The following UHRF1 variants were observed in gnomAD, a reference collection of about 807,000 sequenced individuals.
UHRF1 encodes ubiquitin like with PHD and ring finger domains 1, also known as E3 ubiquitin-protein ligase UHRF1.
UHRF1 carries 9 observed loss-of-function variants against 96.5 expected under a neutral mutation model. That is an observed-to-expected ratio of 0.09 (90% CI 0.06 to 0.16). The LOEUF (loss-of-function observed/expected upper bound fraction) is 0.16, where lower values mean the gene tolerates loss of function less well. Ranked by LOEUF, UHRF1 falls within the 10% of genes least tolerant of loss-of-function variation. The pLI, the probability that UHRF1 is intolerant of heterozygous loss-of-function variation, is 1.00. For missense variants in UHRF1, 626 were observed against 1,131.1 expected (o/e 0.55, Z 6.40); for synonymous variants, 455 against 469.9 (o/e 0.97, Z 0.41).
intron 2 of UHRF1, among the ~76,000 whole-genome samples, chr19:4,919,024 ATTTTTTTTT>A (rs144245403): frequency 8.4e-6 from 1 of 119,392 alleles, no homozygotes; most frequent in South Asian, 2.6e-4. Context: ...TCCTGACCTC[ATTTTTTTTT>A]TTTTTTTTTT....
upstream of UHRF1, among the ~76,000 whole-genome samples, chr19:4,907,391 C>T (rs1382824815): frequency 6.6e-6 from 1 of 152,132 alleles, no homozygotes; most frequent in African/African-American, 2.4e-5. Context: ...GCCTCAGCTT[C>T]CCGAGTAGCT....
upstream of UHRF1, among the ~76,000 whole-genome samples, chr19:4,908,245 T>C (rs1285694455): frequency 2.6e-5 from 4 of 151,886 alleles, no homozygotes; most frequent in Non-Finnish European, 4.4e-5. Context: ...GACGTGGGGG[T>C]CTAGAGACGC....
intron 5 of UHRF1, among the ~76,000 whole-genome samples, chr19:4,936,906 C>T (rs1245692489): frequency 6.6e-6 from 1 of 151,984 alleles, no homozygotes; most frequent in Non-Finnish European, 1.5e-5. Flanking sequence ...ACTGTGTTAT[C>T]ACAACTGGAA....
At chr19:4,946,319 T>A (rs2033563984) in intron 10 of UHRF1, among the ~76,000 whole-genome samples, 1 of 152,108 alleles carries the variant, frequency 6.6e-6, no homozygotes, top group African/African-American at 2.4e-5. Context: ...GAGCCCGACG[T>A]CCTTGCTTTG....
intron 16 of UHRF1, among the ~76,000 whole-genome samples, chr19:4,958,784 C>A (rs1466268483): frequency 6.6e-6 from 1 of 151,900 alleles, no homozygotes; most frequent in Non-Finnish European, 1.5e-5. Flanking sequence ...CCAGCCCGGG[C>A]AACATGGTGA....
At chr19:4,960,579 C>T (rs1354366850) in intron 16 of UHRF1, 78 bp from the exon 17 acceptor site, 2 of 1,559,858 alleles carry the variant, frequency 1.3e-6, no homozygotes, top group Non-Finnish European at 1.7e-6. Flanking sequence ...AGACTGTCCC[C>T]ACAGTCCTGG....
Position 4,954,622 on chromosome 19 carries a change from C to T in UHRF1, c.1958-28C>T. 1.2e-6 allele frequency: 2 copies of T among 1,608,288 alleles called. No individual in the cohort carries two copies. Among genetic ancestry groups the T allele is most frequent in the South Asian group, 2.2e-5 (2 of 90,656 alleles). ...CTCCGGCAGCTCGGGCCACGCGCCC[C>T]TCCCTCACGCGCCCCACCCTCTTCC... is the stretch of plus-strand genomic sequence containing the variant. On this transcript the variant is annotated intron_variant, in intron 14 of 16. Coordinates refer to ENST00000650932, the MANE Select transcript of UHRF1 (RefSeq NM_001048201.3). The surrounding 1 kb of genome is among the most constrained non-coding windows in gnomAD (Gnocchi z 5.9).
At chr19:4,909,252 G>T (rs969368615), upstream of UHRF1, 3 of 518,104 alleles carry the variant, frequency 5.8e-6, no homozygotes, top group East Asian at 1.1e-4. Context: ...GGGTGTCCAC[G>T]TGCGGGGGGT....
intron 11 of UHRF1, among the ~76,000 whole-genome samples, chr19:4,948,128 A>G (rs1230634434): frequency 2.0e-5 from 3 of 149,646 alleles, no homozygotes; most frequent in Non-Finnish European, 4.4e-5. Context: ...AAACCCCTCC[A>G]AAATAGATTG....
At chr19:4,932,985 T>A (rs1425703350) in intron 5 of UHRF1, 29 bp downstream of exon 5, 1 of 1,565,456 alleles carries the variant, frequency 6.4e-7, no homozygotes, top group Non-Finnish European at 8.7e-7. Flanking sequence ...GGCGAGCCCT[T>A]CCTCTCTCCT....
Position 4,954,693 on chromosome 19 carries a change from G to C in UHRF1, c.2001G>C (p.Lys667Asn). The change falls in exon 15 of 17, where the codon AAG becomes AAC. Residue 667 changes from lysine (K) to asparagine (N), a missense_variant. Around this residue, in one of 11 missense-constraint regions of UHRF1, gnomAD observed 90 missense variants for 94.7 expected, o/e 0.95. Transcript: ENST00000650932. This position sits in a 1 kb window ranked among gnomAD's most constrained non-coding sequence, Gnocchi z 5.9. ...SRAGSPRRTS[K>N]KTKVEPYSLT... ...CCGGGTCCCCGCGCCGGACATCCAA[G>C]AAAACCAAGGTGGAGCCCTACAGTC... 1 of 1,613,598 alleles carries C rather than the reference G, an allele frequency of 6.2e-7. No homozygotes were observed. Among genetic ancestry groups the C allele is most frequent in the African/African-American group, 1.3e-5 (1 of 75,024 alleles).
chr19:4,926,424 G>T (rs889454783), intron 2 of UHRF1, among the ~76,000 whole-genome samples: 1 of 152,238 alleles, frequency 6.6e-6, no homozygotes, highest in Non-Finnish European at 1.5e-5. Context: ...GGAGAACAGA[G>T]GGGCTGAAGC....
At chr19:4,909,296 T>A, upstream of UHRF1, 1 of 541,220 alleles carries the variant, frequency 1.8e-6, no homozygotes, top group South Asian at 2.3e-5. Context: ...CTTTGCACGC[T>A]GGGCGCGCCC....
At chr19:4,907,923 G>C (rs969057197), upstream of UHRF1, among the ~76,000 whole-genome samples, 2 of 150,496 alleles carry the variant, frequency 1.3e-5, no homozygotes, top group Non-Finnish European at 3.0e-5. Context: ...TGTTAGTCAG[G>C]CTGGTCTCGA....
chr19:4,955,662 C>CTA (rs1054001106), intron 15 of UHRF1, among the ~76,000 whole-genome samples: 11 of 152,134 alleles, frequency 7.2e-5, no homozygotes, highest in Non-Finnish European at 1.2e-4. Context: ...GGGGCAGCCC[C>CTA]TTGCCCCTAG....
chr19:4,927,266 A>T (rs2032901432), intron 2 of UHRF1, among the ~76,000 whole-genome samples: 1 of 150,712 alleles, frequency 6.6e-6, no homozygotes, highest in Non-Finnish European at 1.5e-5. Context: ...TATAGTCCCA[A>T]GCTACTCAGG....
At chr19:4,958,536 C>T (rs912022010) in intron 16 of UHRF1, among the ~76,000 whole-genome samples, 4 of 152,230 alleles carry the variant, frequency 2.6e-5, no homozygotes, top group Admixed American at 6.5e-5. Flanking sequence ...GGCGCGGAAG[C>T]GCTGAGGATG....
chr19:4,944,508 G>T (rs972672396), intron 9 of UHRF1, 58 bp downstream of exon 9: 9 of 1,593,304 alleles, frequency 5.6e-6, no homozygotes, highest in Non-Finnish European at 6.0e-6. Flanking sequence ...CTTTTCTGGG[G>T]GCAGTTTCTC....
At chr19:4,921,739 A>C (rs2032711463) in intron 2 of UHRF1, among the ~76,000 whole-genome samples, 1 of 152,216 alleles carries the variant, frequency 6.6e-6, no homozygotes, top group Non-Finnish European at 1.5e-5. Context: ...CCTGGGCAAC[A>C]GGGAGGGAGA....
Sources: gnomAD v4.1 joint callset for allele counts (sites outside exome capture counted in the v4.1 genomes callset) on GRCh38, gnomAD v4.1.1 for gene constraint, gnomAD v4.1.1 regional missense constraint, Gnocchi (gnomAD v3.1) non-coding constraint, MANE v1.5 for transcripts, NCBI Gene and HGNC (gene_info 2026-07-23, HGNC 2026-07-21) for gene names.